Variants in LAMA3 observed in about 807,000 individuals in gnomAD.
LAMA3 encodes laminin subunit alpha-3.
A neutral mutation model predicts 402.0 loss-of-function variants in LAMA3; 281 were observed. The ratio of observed to expected loss-of-function variants is 0.70; its 90% CI spans 0.63 to 0.77. The LOEUF is 0.77. Ranked by LOEUF, LAMA3 falls within the 30% of genes least tolerant of loss-of-function variation. The probability of loss-of-function intolerance (pLI) is 0.00; values close to 1 mark genes in which losing one functional copy is unlikely to be tolerated. For synonymous variants in LAMA3, 1,431 were observed against 1,558.4 expected, an observed-to-expected ratio of 0.92 and a Z score of 1.93; for missense variants, 3,840 against 4,215.5, an observed-to-expected ratio of 0.91 and a Z score of 2.47.
intron 2 of LAMA3, among the ~76,000 whole-genome samples, chr18:23,735,704 A>G (rs2061463157): frequency 1.3e-5 from 2 of 152,076 alleles, no homozygotes; most frequent in Admixed American, 1.3e-4. Flanking sequence ...ATGTGCACCA[A>G]TGTCTCTTTC....
intron 32 of LAMA3, among the ~76,000 whole-genome samples, chr18:23,852,028 C>T (rs1247027022): frequency 1.3e-5 from 2 of 152,152 alleles, no homozygotes; most frequent in African/African-American, 4.8e-5. Context: ...TGAGTATCAT[C>T]TTAGAATCAA....
chr18:23,711,771 A>C (rs1159516076), intron 1 of LAMA3, among the ~76,000 whole-genome samples: 1 of 152,234 alleles, frequency 6.6e-6, no homozygotes, highest in Non-Finnish European at 1.5e-5. Context: ...TGCCCAGTGC[A>C]TAATAGGTGC....
chr18:23,694,229 A>G (rs1220442030), intron 1 of LAMA3, among the ~76,000 whole-genome samples: 1 of 152,220 alleles, frequency 6.6e-6, no homozygotes, highest in Admixed American at 6.5e-5. Flanking sequence ...GGAGAATAAT[A>G]CGGGTTTAAA....
intron 62 of LAMA3, among the ~76,000 whole-genome samples, chr18:23,923,285 G>C (rs952124923): frequency 1.3e-5 from 2 of 152,224 alleles, no homozygotes; most frequent in Non-Finnish European, 2.9e-5. Context: ...CTCTAGTGCA[G>C]GGCAGAGACT....
chr18:23,731,516 A>G (rs1186683915), intron 2 of LAMA3, among the ~76,000 whole-genome samples: 1 of 152,220 alleles, frequency 6.6e-6, no homozygotes, highest in Non-Finnish European at 1.5e-5. Flanking sequence ...TGTACTTTGT[A>G]CTATCTACCT....
chr18:23,819,758 C>A, intron 18 of LAMA3, 83 bp from the exon 19 acceptor site: 1 of 1,213,244 alleles, frequency 8.2e-7, no homozygotes, highest in Non-Finnish European at 1.2e-6. Context: ...GGAGTTCTTT[C>A]ATAGTAACTA....
intron 6 of LAMA3, among the ~76,000 whole-genome samples, 183 bp downstream of exon 6, chr18:23,753,995 C>A (rs982275859): frequency 6.6e-6 from 1 of 151,922 alleles, no homozygotes; most frequent in Non-Finnish European, 1.5e-5. Flanking sequence ...TTCACATAAC[C>A]CCTATAGGCC....
chr18:23,692,282 T>C (rs555673570), intron 1 of LAMA3, among the ~76,000 whole-genome samples: 2 of 152,370 alleles, frequency 1.3e-5, no homozygotes, highest in East Asian at 3.9e-4. Flanking sequence ...TGTATTGTTT[T>C]GTTTTTGAGA....
At chr18:23,891,906 A>G (rs955172062) in intron 42 of LAMA3, among the ~76,000 whole-genome samples, 2 of 152,202 alleles carry the variant, frequency 1.3e-5, no homozygotes, top group African/African-American at 4.8e-5. Flanking sequence ...TAGAAGAGCT[A>G]TAGTTGTTCA....
chr18:23,943,753 C>T (rs1265063859), intron 68 of LAMA3, 35 bp from the exon 69 acceptor site: 6 of 1,603,692 alleles, frequency 3.7e-6, no homozygotes, highest in Non-Finnish European at 4.3e-6. Context: ...ACGCTGAACA[C>T]CTCTATTTCC....
intron 37 of LAMA3, 151 bp from the exon 38 acceptor site, chr18:23,871,280 T>C (rs2064509294): frequency 2.8e-6 from 2 of 713,414 alleles, no homozygotes; most frequent in African/African-American, 1.7e-5. Context: ...ATGTAAATAC[T>C]CCAGGAGGCA....
chr18:23,699,056 A>AGAGAGAGAG (rs2060742839), intron 1 of LAMA3, among the ~76,000 whole-genome samples: 3 of 140,894 alleles, frequency 2.1e-5, no homozygotes, highest in African/African-American at 8.8e-5. Context: ...GAGAGAGAGA[A>AGAGAGAGAG]AGAAAAGAAA....
At chr18:23,934,086 T>G in intron 67 of LAMA3, 151 bp downstream of exon 67, 1 of 814,366 alleles carries the variant, frequency 1.2e-6, no homozygotes, top group Non-Finnish European at 2.1e-6. Context: ...CACCAAAATG[T>G]CAAAATGGTT....
chr18:23,755,072 T>A (rs557279682), intron 6 of LAMA3, among the ~76,000 whole-genome samples: 2 of 152,354 alleles, frequency 1.3e-5, no homozygotes, highest in South Asian at 4.1e-4. Context: ...GGAAAATGAC[T>A]TGTTTATTAA....
chr18:23,768,365 G>C (rs2062123810), intron 8 of LAMA3, among the ~76,000 whole-genome samples: 1 of 152,168 alleles, frequency 6.6e-6, no homozygotes, highest in East Asian at 1.9e-4. Flanking sequence ...AGACATACAA[G>C]TGGCCAACAA....
intron 1 of LAMA3, among the ~76,000 whole-genome samples, chr18:23,695,065 G>C (rs182508530): frequency 6.6e-6 from 1 of 152,220 alleles, no homozygotes; most frequent in Non-Finnish European, 1.5e-5. Flanking sequence ...CTGGAAGACA[G>C]GTGTGGCCCT....
chr18:23,932,386 C>CTGG, intron 66 of LAMA3, 95 bp downstream of exon 66: 1 of 1,358,486 alleles, frequency 7.4e-7, no homozygotes, highest in Non-Finnish European at 1.1e-6. Flanking sequence ...GCTTTGTCAA[C>CTGG]ATGTGCTGCA....
chr18:23,793,684 A>G (rs541150930), intron 12 of LAMA3, among the ~76,000 whole-genome samples: 18 of 152,224 alleles, frequency 1.2e-4, no homozygotes, highest in African/African-American at 4.3e-4. Context: ...CACAGAAGAA[A>G]ACGTCTGTGA....
intron 29 of LAMA3, among the ~76,000 whole-genome samples, chr18:23,843,340 C>A (rs2063746340): frequency 6.6e-6 from 1 of 152,176 alleles, no homozygotes; most frequent in African/African-American, 2.4e-5. Context: ...TTAGTCTGCA[C>A]CCTGCATAGC....
Sources: allele counts gnomAD v4.1 joint callset (sites outside exome capture counted in the v4.1 genomes callset), GRCh38; gene constraint gnomAD v4.1.1; transcripts MANE v1.5; gene names NCBI Gene and HGNC (gene_info 2026-07-23, HGNC 2026-07-21).